CDK6: variants seen among roughly 807,000 people sequenced by gnomAD.
The protein encoded by CDK6 is cyclin dependent kinase 6, also known as cyclin-dependent kinase 6.
A neutral mutation model predicts 37.1 loss-of-function variants in CDK6; 6 were observed. The ratio of observed to expected loss-of-function variants is 0.16; its 90% CI spans 0.09 to 0.32. The LOEUF (loss-of-function observed/expected upper bound fraction) is 0.32. Among genes scored for constraint, CDK6 ranks in the 10% least tolerant of loss-of-function variants. CDK6 has a pLI of 1.00. For missense variants in CDK6, 224 were observed against 418.9 expected, an observed-to-expected ratio of 0.53 and a Z score of 4.06; for synonymous variants, 160 against 161.3, an observed-to-expected ratio of 0.99 and a Z score of 0.06.
chr7:92,771,676 TC>T (rs1174038999), intron 3 of CDK6, among the ~76,000 whole-genome samples: 5 of 152,188 alleles, frequency 3.3e-5, no homozygotes, highest in African/African-American at 1.2e-4. Flanking sequence ...CAATTTTGTG[TC>T]CCTGAACTGC....
At chr7:92,751,562 C>A (rs898814728) in intron 3 of CDK6, among the ~76,000 whole-genome samples, 5 of 152,136 alleles carry the variant, frequency 3.3e-5, no homozygotes, top group Non-Finnish European at 7.4e-5. Flanking sequence ...AGCATAAAAA[C>A]TGTTATCACA....
intron 5 of CDK6, among the ~76,000 whole-genome samples, chr7:92,651,132 C>T (rs551342190): frequency 2.8e-4 from 42 of 152,256 alleles, no homozygotes; most frequent in Non-Finnish European, 5.1e-4. Context: ...TCAGGGGATC[C>T]TCCTGCCACG....
intron 5 of CDK6, among the ~76,000 whole-genome samples, chr7:92,653,799 G>T (rs1371186248): frequency 6.6e-6 from 1 of 151,950 alleles, no homozygotes; most frequent in Non-Finnish European, 1.5e-5. Context: ...TAGAGACAGG[G>T]TCTCACCGTG....
chr7:92,651,129 ATCCTCCTG>A (rs1358620226), intron 5 of CDK6, among the ~76,000 whole-genome samples: 1 of 151,890 alleles, frequency 6.6e-6, no homozygotes. Flanking sequence ...ACTTCAGGGG[ATCCTCCTG>A]CCACGGCCTC....
chr7:92,649,983 G>C (rs1230007705), intron 5 of CDK6, among the ~76,000 whole-genome samples: 2 of 152,140 alleles, frequency 1.3e-5, no homozygotes, highest in Non-Finnish European at 2.9e-5. Context: ...AATTGTACCA[G>C]AAGAAGTAAA....
At chr7:92,725,343 GC>G in intron 4 of CDK6, 1 of 984,752 alleles carries the variant, frequency 1.0e-6, no homozygotes, top group Non-Finnish European at 1.2e-6. Flanking sequence ...AGTGGTTATG[GC>G]AGAAAGCATT....
At chr7:92,772,834 A>G (rs1303608171) in intron 3 of CDK6, among the ~76,000 whole-genome samples, 2 of 152,162 alleles carry the variant, frequency 1.3e-5, no homozygotes, top group Non-Finnish European at 2.9e-5. Flanking sequence ...GCCTTTGCAA[A>G]TGATTCCACT....
chr7:92,718,038 G>A (rs1421851197), intron 4 of CDK6, among the ~76,000 whole-genome samples: 4 of 152,174 alleles, frequency 2.6e-5, no homozygotes, highest in Middle Eastern at 3.4e-3. Context: ...CATTTTCCAT[G>A]TACCCAGCCC....
At chr7:92,786,954 G>C (rs1045968488) in intron 2 of CDK6, among the ~76,000 whole-genome samples, 1 of 151,826 alleles carries the variant, frequency 6.6e-6, no homozygotes, top group South Asian at 2.1e-4. Context: ...GAGGCTGAGG[G>C]GGGTGGATCA....
chr7:92,768,131 T>A (rs1361616948), intron 3 of CDK6, among the ~76,000 whole-genome samples: 1 of 151,936 alleles, frequency 6.6e-6, no homozygotes, highest in Non-Finnish European at 1.5e-5. Flanking sequence ...TGGGGCAGAG[T>A]TCTGGAGAGA....
At chr7:92,668,349 C>A (rs1797003837) in intron 5 of CDK6, among the ~76,000 whole-genome samples, 3 of 152,264 alleles carry the variant, frequency 2.0e-5, no homozygotes, top group South Asian at 2.1e-4. Flanking sequence ...CAGAACATAA[C>A]CCTGTCGTTA....
chr7:92,814,718 C>T (rs1284897251), intron 2 of CDK6, among the ~76,000 whole-genome samples: 3 of 151,858 alleles, frequency 2.0e-5, no homozygotes, highest in African/African-American at 7.3e-5. Flanking sequence ...GTCCCACATA[C>T]ACAAAAAGGA....
chr7:92,731,394 T>G (rs1469360055), intron 3 of CDK6, among the ~76,000 whole-genome samples: 1 of 152,208 alleles, frequency 6.6e-6, no homozygotes, highest in Non-Finnish European at 1.5e-5. Context: ...ATGGGTGAAT[T>G]CAAAGCAAGC....
intron 4 of CDK6, among the ~76,000 whole-genome samples, chr7:92,691,563 T>C (rs1012681037): frequency 6.6e-6 from 1 of 152,214 alleles, no homozygotes; most frequent in African/African-American, 2.4e-5. Flanking sequence ...GCAATTTTAT[T>C]ATTCAGAATC....
chr7:92,741,689 A>C (rs1238807093), intron 3 of CDK6, among the ~76,000 whole-genome samples: 2 of 152,180 alleles, frequency 1.3e-5, no homozygotes, highest in Non-Finnish European at 2.9e-5. Context: ...AGCAGTCTTT[A>C]GAAAATAAAA....
At chr7:92,738,876 C>T (rs1329843172) in intron 3 of CDK6, among the ~76,000 whole-genome samples, 3 of 152,200 alleles carry the variant, frequency 2.0e-5, no homozygotes, top group African/African-American at 7.2e-5. Flanking sequence ...TTTTCCTGGC[C>T]CACCTAAAAC....
chr7:92,634,677 T>C (rs1295709303), intron 5 of CDK6, among the ~76,000 whole-genome samples: 1 of 152,200 alleles, frequency 6.6e-6, no homozygotes. Flanking sequence ...TAATCAAATA[T>C]TCTCTATATC....
In CDK6 at chr7:92,774,734, T is replaced by C. The variant is rs757348412; in HGVS notation, c.331A>G (p.Lys111Glu). 1.2e-6 allele frequency: 2 copies of C among 1,610,838 alleles called. No individual in the cohort carries two copies. Among genetic ancestry groups the C allele is most frequent in the South Asian group, 1.1e-5 (1 of 90,256 alleles). The change falls in exon 3 of 8, where the codon AAA (lysine) becomes GAA (glutamate). Residue 111 changes from lysine (K) to glutamate (E), a missense_variant. Around this residue, in one of 5 missense-constraint regions of CDK6, gnomAD observed 82 missense variants for 202.1 expected, o/e 0.41. Coordinates refer to ENST00000424848, the MANE Select transcript of CDK6 (RefSeq NM_001145306.2). Reference protein sequence around the residue: ...VDQDLTTYLDKVPEPGVPTET... With the variant: ...VDQDLTTYLDEVPEPGVPTET... Reference sequence around the variant, plus strand: ...GTGGGCACTCCAGGCTCTGGAACTTTATCCAAGTAAGTGGTCAAGTCTTGA... The same window carrying C: ...GTGGGCACTCCAGGCTCTGGAACTTCATCCAAGTAAGTGGTCAAGTCTTGA...
chr7:92,637,814 G>A (rs1464353186), intron 5 of CDK6, among the ~76,000 whole-genome samples: 1 of 152,012 alleles, frequency 6.6e-6, no homozygotes, highest in Non-Finnish European at 1.5e-5. Flanking sequence ...ATACATACAA[G>A]GTGATTACCA....
Sources: allele counts gnomAD v4.1 joint callset (sites outside exome capture counted in the v4.1 genomes callset), GRCh38; gene constraint gnomAD v4.1.1; regional missense constraint gnomAD v4.1.1; transcripts MANE v1.5; gene names NCBI Gene and HGNC (gene_info 2026-07-23, HGNC 2026-07-21).